The following DERA variants were observed in gnomAD, a reference collection of about 807,000 sequenced individuals.
The protein encoded by DERA is 2-deoxy-D-ribose 5-phosphate aldolase.
A neutral mutation model predicts 41.1 loss-of-function variants in DERA; 15 were observed. The ratio of observed to expected loss-of-function variants is 0.37; its 90% CI spans 0.24 to 0.56. The LOEUF is 0.56. Ranked by LOEUF, DERA falls within the 20% of genes least tolerant of loss-of-function variation. DERA has a pLI of 0.81. For synonymous variants in DERA, 139 were observed against 137.4 expected, an observed-to-expected ratio of 1.01 and a Z score of -0.08; for missense variants, 396 against 403.4, an observed-to-expected ratio of 0.98 and a Z score of 0.16.
At chr12:15,945,685 G>T (rs979534976) in intron 1 of DERA, among the ~76,000 whole-genome samples, 2 of 152,172 alleles carry the variant, frequency 1.3e-5, no homozygotes, top group Non-Finnish European at 2.9e-5. Flanking sequence ...GGTACAATTT[G>T]ACTTCCTCTT....
intron 1 of DERA, among the ~76,000 whole-genome samples, chr12:15,912,651 A>G (rs1003075556): frequency 6.6e-6 from 1 of 152,198 alleles, no homozygotes; most frequent in Non-Finnish European, 1.5e-5. Context: ...GTGGACACCT[A>G]GTAAGTCTTC....
chr12:15,952,562 A>G (rs1948506680), intron 1 of DERA, among the ~76,000 whole-genome samples: 1 of 152,360 alleles, frequency 6.6e-6, no homozygotes, highest in African/African-American at 2.4e-5. Flanking sequence ...ACAGGTGAAA[A>G]TATTTTAATA....
chr12:16,018,042 TAA>T (rs1275895939), intron 6 of DERA, among the ~76,000 whole-genome samples: 3 of 152,210 alleles, frequency 2.0e-5, no homozygotes, highest in African/African-American at 7.2e-5. Context: ...TAACTTCCTA[TAA>T]CATAAATAAG....
intron 5 of DERA, among the ~76,000 whole-genome samples, chr12:15,974,137 C>G (rs557507377): frequency 1.3e-4 from 20 of 152,048 alleles, no homozygotes; most frequent in Admixed American, 1.1e-3. Context: ...ACCTGTTCAC[C>G]TGTTACCCTT....
At chr12:15,980,637 G>A (rs1223577254) in intron 5 of DERA, among the ~76,000 whole-genome samples, 2 of 152,086 alleles carry the variant, frequency 1.3e-5, no homozygotes, top group Admixed American at 6.5e-5. Context: ...AGGTTAGGTA[G>A]ATGGGCAGGG....
intron 1 of DERA, among the ~76,000 whole-genome samples, chr12:15,953,491 G>A (rs978012278): frequency 8.6e-5 from 13 of 152,044 alleles, no homozygotes; most frequent in Non-Finnish European, 2.9e-5. Context: ...AGTATTTGAG[G>A]ACAAATTTAT....
In DERA at chr12:15,975,789, C is replaced by A. The variant is rs904819358; in HGVS notation, c.509-6519C>A. ...TCCTCTATCCTTTTTATGTTCCCAT[C>A]ATTCTTTGAGAGCTTCCTTGCTTTC... On this transcript the variant is annotated intron_variant, in intron 5 of 8. Coordinates refer to ENST00000428559, the MANE Select transcript of DERA (RefSeq NM_015954.4). 2.6e-5 allele frequency among the ~76,000 whole-genome samples: 4 copies of A among 152,364 alleles called. No individual in the cohort carries two copies. The South Asian group carries it at 8.3e-4, about 32-fold the overall frequency.
In DERA at chr12:15,936,396, T is replaced by C. The variant is rs1948364356; in HGVS notation, c.32-20540T>C. On this transcript the variant is annotated intron_variant, in intron 1 of 8. Coordinates refer to ENST00000428559, the MANE Select transcript of DERA (RefSeq NM_015954.4). This position sits in a 1 kb window ranked among gnomAD's most constrained non-coding sequence, Gnocchi z 4.6. ...CACATTAATAATTTACTGTTTGTGTTGGCAGTTTTTTCTGCAATATCTTAA... is the reference window on the plus strand; with the variant it reads ...CACATTAATAATTTACTGTTTGTGTCGGCAGTTTTTTCTGCAATATCTTAA... 6.6e-6 allele frequency among the ~76,000 whole-genome samples: 1 copy of C among 152,272 alleles called. No homozygotes were observed. The highest frequency in any genetic ancestry group is 1.5e-5 in the Non-Finnish European group (1 of 68,050).
intron 1 of DERA, among the ~76,000 whole-genome samples, chr12:15,937,351 T>G (rs569342736): frequency 1.2e-4 from 19 of 152,346 alleles, no homozygotes; most frequent in African/African-American, 4.6e-4. Context: ...GCTGTGTATT[T>G]TACATATCAT....
intron 1 of DERA, among the ~76,000 whole-genome samples, chr12:15,947,408 A>G (rs1372167112): frequency 6.6e-6 from 1 of 152,158 alleles, no homozygotes; most frequent in African/African-American, 2.4e-5. Flanking sequence ...GGGTGCATAT[A>G]TATTTAGGGT....
At chr12:15,926,765 A>G (rs1184217989) in intron 1 of DERA, among the ~76,000 whole-genome samples, 1 of 151,596 alleles carries the variant, frequency 6.6e-6, no homozygotes, top group Non-Finnish European at 1.5e-5. Flanking sequence ...AAAAAAAGAA[A>G]CAAGAGAATC....
rs1042237404 is a variant in DERA at position 15,936,082 on chromosome 12, G to A, written c.32-20854G>A. Among the ~76,000 whole-genome samples the A allele has an allele frequency of 1.3e-5, 2 of 152,172 alleles. No individual in the cohort carries two copies. Among genetic ancestry groups the A allele is most frequent in the African/African-American group, 4.8e-5 (2 of 41,436 alleles). ...CTTCTCGAGTGATCCAAGTAGGAAG[G>A]CAAAAGCCACCATGTGTTTTCTTAC... On this transcript the variant is annotated intron_variant, in intron 1 of 8. Transcript: ENST00000428559. This position sits in a 1 kb window ranked among gnomAD's most constrained non-coding sequence, Gnocchi z 4.6.
rs1380692561 is a variant in DERA at position 15,981,427 on chromosome 12, C to T, written c.509-881C>T. The stretch of plus-strand genomic sequence containing the variant: ...TACAAAGGAAAGAAAAAGCCTTGGT[C>T]TTGTTACCATGGCAGTAGCCTGAGT... On this transcript the variant is annotated intron_variant, in intron 5 of 8. Coordinates refer to ENST00000428559, the MANE Select transcript of DERA (RefSeq NM_015954.4). This position sits in a 1 kb window ranked among gnomAD's most constrained non-coding sequence, Gnocchi z 6.1. 6.6e-6 allele frequency among the ~76,000 whole-genome samples: 1 copy of T among 152,176 alleles called. No individual in the cohort carries two copies. The highest frequency in any genetic ancestry group is 1.5e-5 in the Non-Finnish European group (1 of 68,014).
chr12:16,027,331 T>G (rs1228489308), intron 6 of DERA, among the ~76,000 whole-genome samples: 7 of 152,190 alleles, frequency 4.6e-5, no homozygotes, highest in African/African-American at 7.2e-5. Context: ...GTCAAGAAGT[T>G]TGGTAGGCTA....
In DERA at chr12:15,996,330, G is replaced by A. The variant is rs75287975; in HGVS notation, c.637+13894G>A. Among the ~76,000 whole-genome samples, 9,946 of 152,118 alleles carry A rather than the reference G, an allele frequency of 0.065. 1,046 individuals carry two copies. The highest frequency in any genetic ancestry group is 0.22 in the African/African-American group (9,161 of 41,446). ...AGATGGCCTTAAGCAACAGAAATGT[G>A]TTCTTAAGGTTCTGGAGGCCAGAAG... On this transcript the variant is annotated intron_variant, in intron 6 of 8. Transcript: ENST00000428559. The surrounding 1 kb of genome is among the most constrained non-coding windows in gnomAD (Gnocchi z 4.7).
intron 6 of DERA, among the ~76,000 whole-genome samples, chr12:16,025,373 A>G (rs1026102503): frequency 2.0e-5 from 3 of 152,158 alleles, no homozygotes; most frequent in African/African-American, 7.2e-5. Context: ...GCACCATGCT[A>G]ACACTCATCA....
intron 1 of DERA, among the ~76,000 whole-genome samples, chr12:15,948,564 C>T (rs1339183580): frequency 6.6e-6 from 1 of 152,170 alleles, no homozygotes. Context: ...CATTTAAGGA[C>T]TTCTCTACAC....
Position 15,936,850 on chromosome 12 carries a change from G to GTTGTGTTGTC in DERA, c.32-20082_32-20081insGTTGTCTTGT, listed in dbSNP as rs1948367692. On this transcript the variant is annotated intron_variant, in intron 1 of 8. Transcript: ENST00000428559. The surrounding 1 kb of genome is among the most constrained non-coding windows in gnomAD (Gnocchi z 4.6). ...CTTATTTCTGCATCTTCTGTCTTGT[G>GTTGTGTTGTC]TTGTCTTGTCTTGTCTTGTCTTGTC... Among the ~76,000 whole-genome samples the GTTGTGTTGTC allele has an allele frequency of 2.3e-5, 3 of 129,420 alleles. No individual in the cohort carries two copies. Among genetic ancestry groups the GTTGTGTTGTC allele is most frequent in the Admixed American group, 1.7e-4 (2 of 12,018 alleles). 84.9% of individuals were successfully genotyped at this position (129,420 alleles called of 152,430 possible).
chr12:16,032,138 TTAAGCATGAGCAAATTAGG>T (rs1949096779), intron 6 of DERA, among the ~76,000 whole-genome samples: 1 of 152,220 alleles, frequency 6.6e-6, no homozygotes, highest in Non-Finnish European at 1.5e-5. Context: ...GTACTTTTCA[TTAAGCATGAGCAAATTAGG>T]AGAAAATGAG....
Sources: allele counts gnomAD v4.1 joint callset (sites outside exome capture counted in the v4.1 genomes callset), GRCh38; gene constraint gnomAD v4.1.1; non-coding constraint Gnocchi (gnomAD v3.1); transcripts MANE v1.5; gene names NCBI Gene and HGNC (gene_info 2026-07-23, HGNC 2026-07-21).